Variants in LRP6 observed in about 807,000 individuals in gnomAD.
The protein encoded by LRP6 is LDL receptor related protein 6.
LRP6 carries 43 observed loss-of-function variants against 184.1 expected under a neutral mutation model. The observed-to-expected ratio is 0.23, with a 90% CI of 0.18 to 0.30. LRP6 has a LOEUF of 0.30. Among genes scored for constraint, LRP6 ranks in the 10% least tolerant of loss-of-function variants. The pLI is 1.00. For missense variants in LRP6, 1,571 were observed against 2,005.3 expected (o/e 0.78, Z 4.14); for synonymous variants, 719 against 684.9 (o/e 1.05, Z -0.78).
intron 2 of LRP6, among the ~76,000 whole-genome samples, chr12:12,223,746 T>C (rs574203567): frequency 1.2e-4 from 18 of 152,362 alleles, no homozygotes; most frequent in African/African-American, 4.3e-4. Context: ...GTGTACACTG[T>C]ATATAGTAAG....
rs1244691809 is a variant in LRP6 at position 12,181,414 on chromosome 12, A to C, written c.1002T>G (p.Ala334=). The change falls in exon 6 of 23, where the codon GCT becomes GCG. Residue 334 remains alanine (A), a synonymous_variant. Coordinates refer to ENST00000261349, the MANE Select transcript of LRP6 (RefSeq NM_002336.3). ...AAATGCGTCTCAAGTCTGTCCTTCGAGCTAAAAGCAATAATTCTGTGGCAC... is the reference window on the plus strand; with the variant it reads ...AAATGCGTCTCAAGTCTGTCCTTCGCGCTAAAAGCAATAATTCTGTGGCAC... ...KDGATELLLL[A]RRTDLRRISL... 1 of 1,369,684 alleles carries C rather than the reference A, an allele frequency of 7.3e-7. No individual in the cohort carries two copies. Among genetic ancestry groups the C allele is most frequent in the Non-Finnish European group, 1.0e-6 (1 of 958,276 alleles). 84.8% of individuals were successfully genotyped at this position (1,369,684 alleles called of 1,614,324 possible). A position where few individuals can be genotyped will look rare whatever the true frequency, so the allele number is the denominator to read the frequency against.
Position 12,255,794 on chromosome 12 carries a change from C to G in LRP6, c.55+10887G>C, listed in dbSNP as rs145034500. ...CTGTGTTGTCCAGGCTGGTCTCAAA[C>G]TCCTAAGCTCAAGCGATCCTCTGCC... On this transcript the variant is annotated intron_variant, in intron 1 of 22. Coordinates refer to ENST00000261349, the MANE Select transcript of LRP6 (RefSeq NM_002336.3). 5.9e-5 allele frequency among the ~76,000 whole-genome samples: 9 copies of G among 152,070 alleles called. No individual in the cohort carries two copies. The East Asian group carries it at 1.7e-3, about 29-fold the overall frequency.
intron 9 of LRP6, among the ~76,000 whole-genome samples, chr12:12,163,846 G>T (rs1229319227): frequency 6.6e-6 from 1 of 152,118 alleles, no homozygotes; most frequent in Non-Finnish European, 1.5e-5. Context: ...AAAACTTAAG[G>T]GTTTTGGCTG....
At chr12:12,246,258 G>A (rs915253917) in intron 1 of LRP6, among the ~76,000 whole-genome samples, 1 of 151,616 alleles carries the variant, frequency 6.6e-6, no homozygotes, top group African/African-American at 2.4e-5. Context: ...CACCCGCCAG[G>A]GCCTCCCAAA....
intron 15 of LRP6, among the ~76,000 whole-genome samples, chr12:12,139,319 G>C (rs1468369912): frequency 2.6e-5 from 4 of 152,188 alleles, no homozygotes; most frequent in Non-Finnish European, 5.9e-5. Flanking sequence ...ATGAAGAAAA[G>C]TGGGGAGATA....
Position 12,135,275 on chromosome 12 carries a change from A to G in LRP6, c.3633T>C (p.Asn1211=), listed in dbSNP as rs143308443. 9 of 1,608,342 alleles carry G rather than the reference A, an allele frequency of 5.6e-6. No individual in the cohort carries two copies. In the African/African-American group the frequency reaches 1.2e-4, roughly 22 times the overall value. Residue 1211 remains asparagine (N), a synonymous_variant, in exon 17 of 23, where the codon AAT becomes AAC. Transcript: ENST00000261349. ...CAAGACAAATATGTGAACAGCCACC[A>G]TTATCCTGAGCACAAGGGTGCTGTC... ...EYRQHPCAQD[N]GGCSHICLVK...
In LRP6 at chr12:12,159,775, C is replaced by T; in HGVS notation, c.2464+5G>A. The T allele has an allele frequency of 1.9e-6, 3 of 1,613,924 alleles. No homozygotes were observed. The highest frequency in any genetic ancestry group is 1.7e-5 in the Admixed American group (1 of 60,016). Reference sequence around the variant, plus strand: ...ACTGTTTGAGTAAAAAGTAGTAAAGCTTACCAAGCATATTTGAAGATTCTA... The same window carrying T: ...ACTGTTTGAGTAAAAAGTAGTAAAGTTTACCAAGCATATTTGAAGATTCTA... On this transcript the variant is annotated splice_donor_5th_base_variant and intron_variant, in intron 11 of 22. Transcript: ENST00000261349.
intron 12 of LRP6, among the ~76,000 whole-genome samples, chr12:12,153,658 T>C (rs1211268258): frequency 6.6e-6 from 1 of 152,224 alleles, no homozygotes; most frequent in East Asian, 1.9e-4. Context: ...TGACAAAGAA[T>C]ATGCCATTTT....
At chr12:12,152,787 A>G (rs369212506) in intron 12 of LRP6, among the ~76,000 whole-genome samples, 1 of 152,214 alleles carries the variant, frequency 6.6e-6, no homozygotes. Context: ...ATTTCCTCCT[A>G]TTCCCCATTC....
At chr12:12,193,643 A>G (rs1306687248) in intron 3 of LRP6, among the ~76,000 whole-genome samples, 2 of 152,104 alleles carry the variant, frequency 1.3e-5, no homozygotes, top group African/African-American at 4.8e-5. Context: ...TGAAACAAAA[A>G]TATTCCTGGA....
At chr12:12,236,094 G>A (rs952468662) in intron 2 of LRP6, among the ~76,000 whole-genome samples, 3 of 152,152 alleles carry the variant, frequency 2.0e-5, no homozygotes, top group African/African-American at 7.2e-5. Context: ...AGGCGTGGTG[G>A]CGGGTGCCTG....
At position 12,266,832 on chromosome 12, in the gene LRP6, G is replaced by A; in HGVS notation, c.-97C>T. 1 of 964,208 alleles carries A rather than the reference G, an allele frequency of 1.0e-6. No individual in the cohort carries two copies. The highest frequency in any genetic ancestry group is 1.4e-5 in the South Asian group (1 of 73,916). 59.7% of individuals were successfully genotyped at this position (964,208 alleles called of 1,614,324 possible). A position where few individuals can be genotyped will look rare whatever the true frequency, so the allele number is the denominator to read the frequency against. On this transcript the variant is annotated 5_prime_UTR_variant, in exon 1 of 23. Transcript: ENST00000261349. ...GGCCGCCGCAGCGGCAGGGCTGCACGCTCATACTTCCCAGCTTCCCAGCGA... is the reference window on the plus strand; with the variant it reads ...GGCCGCCGCAGCGGCAGGGCTGCACACTCATACTTCCCAGCTTCCCAGCGA...
intron 2 of LRP6, among the ~76,000 whole-genome samples, chr12:12,230,826 A>C (rs1481757521): frequency 6.6e-6 from 1 of 152,144 alleles, no homozygotes; most frequent in Non-Finnish European, 1.5e-5. Flanking sequence ...CACCCCTTTA[A>C]ATGTAGAACT....
intron 7 of LRP6, among the ~76,000 whole-genome samples, chr12:12,171,624 CG>C (rs1175634906): frequency 6.6e-6 from 1 of 152,036 alleles, no homozygotes; most frequent in Non-Finnish European, 1.5e-5. Context: ...AAGGATCCTC[CG>C]AAGAGATTAA....
chr12:12,257,177 G>A (rs1565725883), intron 1 of LRP6, among the ~76,000 whole-genome samples: 1 of 152,174 alleles, frequency 6.6e-6, no homozygotes, highest in Non-Finnish European at 1.5e-5. Flanking sequence ...TGAGATAGTG[G>A]TGATGTTTTA....
intron 15 of LRP6, among the ~76,000 whole-genome samples, chr12:12,143,888 A>G (rs1227223660): frequency 6.6e-6 from 1 of 152,228 alleles, no homozygotes; most frequent in Non-Finnish European, 1.5e-5. Context: ...GATATATACT[A>G]TGTATCTATG....
intron 7 of LRP6, among the ~76,000 whole-genome samples, chr12:12,166,746 T>C (rs558200859): frequency 6.6e-6 from 1 of 152,216 alleles, no homozygotes; most frequent in Non-Finnish European, 1.5e-5. Flanking sequence ...CTTTCCAACA[T>C]TTTTGTTTAT....
rs374704937 is a variant in LRP6, at chr12:12,143,912, T to A, written c.3397+3454A>T. ...TATGTATCTATGATGTGTACAAGTG[T>A]GAAGTGTGAGCTTTTAGTGTAAAAC... On this transcript the variant is annotated intron_variant, in intron 15 of 22. Transcript: ENST00000261349. Among the ~76,000 whole-genome samples the A allele has an allele frequency of 1.4e-4, 22 of 152,340 alleles. No individual in the cohort carries two copies. In the South Asian group the frequency reaches 4.1e-3, roughly 29 times the overall value.
At chr12:12,248,933 G>C in intron 1 of LRP6, 1 of 434,438 alleles carries the variant, frequency 2.3e-6, no homozygotes, top group East Asian at 4.9e-5. Flanking sequence ...AAGACTCTCT[G>C]TTGTTCCAAA....
Sources: allele counts gnomAD v4.1 joint callset (sites outside exome capture counted in the v4.1 genomes callset), GRCh38; gene constraint gnomAD v4.1.1; transcripts MANE v1.5; gene names NCBI Gene and HGNC (gene_info 2026-07-23, HGNC 2026-07-21).